Variants in ACADSB observed in about 807,000 individuals in gnomAD.
ACADSB encodes the protein acyl-CoA dehydrogenase short/branched chain.
ACADSB carries 40 observed loss-of-function variants against 54.1 expected under a neutral mutation model. The ratio of observed to expected loss-of-function variants is 0.74; its 90% confidence interval spans 0.57 to 0.96. The LOEUF (loss-of-function observed/expected upper bound fraction) is 0.96. Ranked by LOEUF, ACADSB falls within the 40% of genes least tolerant of loss-of-function variation. The pLI is 0.00. For missense variants in ACADSB, 530 were observed against 510.4 expected (o/e 1.04, Z -0.37); for synonymous variants, 182 against 182.8 (o/e 1.00, Z 0.03).
intron 1 of ACADSB, among the ~76,000 whole-genome samples, chr10:123,032,044 A>T (rs1453832992): frequency 6.6e-6 from 1 of 150,732 alleles, no homozygotes; most frequent in African/African-American, 2.5e-5. Context: ...CAGTGGTGTG[A>T]TCTTGGCTCA....
At chr10:123,045,164 TATATATA>T (rs1390692997) in intron 7 of ACADSB, among the ~76,000 whole-genome samples, 92 of 13,960 alleles carry the variant, frequency 6.6e-3, no homozygotes, top group South Asian at 0.017. Flanking sequence ...TATATATATA[TATATATA>T]TTTTTTTTTT....
chr10:123,030,572 C>G (rs1213200362), intron 1 of ACADSB, among the ~76,000 whole-genome samples: 1 of 151,854 alleles, frequency 6.6e-6, no homozygotes, highest in Non-Finnish European at 1.5e-5. Flanking sequence ...CTTCTTTCTC[C>G]CCACAACCTT....
chr10:123,043,292 T>C lies in ACADSB; in HGVS notation c.807+121T>C. 5 of 1,289,670 alleles carry C rather than the reference T, an allele frequency of 3.9e-6. No individual in the cohort carries two copies. The South Asian group carries it at 6.0e-5, about 16-fold the overall frequency. The allele number at this position is 1,289,670 out of a possible 1,614,324, so 79.9% of individuals were successfully genotyped here. A position where few individuals can be genotyped will look rare whatever the true frequency, so the allele number is the denominator to read the frequency against. The stretch of plus-strand genomic sequence containing the variant: ...GGCTATAAGCACACGCAGGAGAGTA[T>C]TTTGTAAAACCCTGAACAGCGCTCT... On this transcript the variant is annotated intron_variant, in intron 6 of 10. Transcript: ENST00000358776.
chr10:123,031,687 T>A (rs1210942544), intron 1 of ACADSB, among the ~76,000 whole-genome samples: 1 of 152,228 alleles, frequency 6.6e-6, no homozygotes, highest in Admixed American at 6.5e-5. Context: ...TATCTCTCAA[T>A]GCTTTGGTTA....
chr10:123,047,487 A>T (rs1254323747), intron 8 of ACADSB, among the ~76,000 whole-genome samples, 189 bp downstream of exon 8: 1 of 151,718 alleles, frequency 6.6e-6, no homozygotes, highest in African/African-American at 2.4e-5. Context: ...GCAGAGCAGT[A>T]GTCCTTGAGG....
At chr10:123,025,463 C>T (rs925823752) in intron 1 of ACADSB, among the ~76,000 whole-genome samples, 1 of 127,258 alleles carries the variant, frequency 7.9e-6, no homozygotes, top group Non-Finnish European at 1.8e-5. Context: ...GACCCTGTCA[C>T]GAAAAATAAA....
chr10:123,014,345 T>C (rs1850084540), intron 1 of ACADSB, among the ~76,000 whole-genome samples: 1 of 152,172 alleles, frequency 6.6e-6, no homozygotes, highest in Admixed American at 6.5e-5. Flanking sequence ...ATTAAGTTAG[T>C]TTTTTAGAGA....
intron 1 of ACADSB, among the ~76,000 whole-genome samples, chr10:123,017,616 T>G (rs1850124636): frequency 6.6e-6 from 1 of 152,146 alleles, no homozygotes; most frequent in Non-Finnish European, 1.5e-5. Flanking sequence ...CCTCACCGGG[T>G]GGACACAGTT....
intron 1 of ACADSB, among the ~76,000 whole-genome samples, chr10:123,011,628 G>C (rs1850034880): frequency 6.6e-6 from 1 of 151,504 alleles, no homozygotes; most frequent in Non-Finnish European, 1.5e-5. Context: ...CCGGATTCGA[G>C]CGATTCTCCT....
Position 123,044,455 on chromosome 10 carries a change from C to A in ACADSB, c.870C>A (p.Leu290=). ...GCTATAAGTATGCCATAGGGAGTCT[C>A]AATGAAGGTAGAATAGGAATTGCTG... The part of the protein sequence containing the change: ...GHGYKYAIGS[L]NEGRIGIAAQ... Residue 290 remains leucine (L), a synonymous_variant, in exon 7 of 11, where the codon CTC becomes CTA. Transcript: ENST00000358776. 1 of 1,613,686 alleles carries A rather than the reference C, an allele frequency of 6.2e-7. No homozygotes were observed. Among genetic ancestry groups the A allele is most frequent in the South Asian group, 1.1e-5 (1 of 91,062 alleles).
chr10:123,030,671 T>C (rs1418581549), intron 1 of ACADSB, among the ~76,000 whole-genome samples: 8 of 152,230 alleles, frequency 5.3e-5, no homozygotes, highest in Admixed American at 1.3e-4. Context: ...TTTCATATAT[T>C]GTGAAAGCTT....
intron 1 of ACADSB, among the ~76,000 whole-genome samples, chr10:123,015,995 TG>T (rs1850105276): frequency 6.6e-6 from 1 of 152,186 alleles, no homozygotes; most frequent in Non-Finnish European, 1.5e-5. Context: ...AGGAATTAGA[TG>T]GACTACACAT....
chr10:123,032,088 T>A (rs1319982523), intron 1 of ACADSB, among the ~76,000 whole-genome samples: 1 of 152,006 alleles, frequency 6.6e-6, no homozygotes, highest in African/African-American at 2.4e-5. Context: ...CAAGCAATTC[T>A]CCTGCCTCAG....
At chr10:123,013,883 C>G (rs1317569093) in intron 1 of ACADSB, among the ~76,000 whole-genome samples, 1 of 152,236 alleles carries the variant, frequency 6.6e-6, no homozygotes, top group East Asian at 1.9e-4. Context: ...CCATGCCTCT[C>G]CCTCCACACC....
chr10:123,018,085 C>T (rs185987039), intron 1 of ACADSB, among the ~76,000 whole-genome samples: 152 of 152,248 alleles, frequency 1.0e-3, no homozygotes, highest in African/African-American at 3.4e-3. Flanking sequence ...CTGAAACAGT[C>T]TCTCAGGTGA....
intron 5 of ACADSB, among the ~76,000 whole-genome samples, chr10:123,042,457 CTTTTTTTTT>C (rs60480402): frequency 8.6e-6 from 1 of 115,794 alleles, no homozygotes; most frequent in South Asian, 2.7e-4. Context: ...ATTGTTAAAA[CTTTTTTTTT>C]TTTTTTTTTT....
chr10:123,025,280 G>A (rs1328937084), intron 1 of ACADSB, among the ~76,000 whole-genome samples: 1 of 151,756 alleles, frequency 6.6e-6, no homozygotes, highest in Non-Finnish European at 1.5e-5. Context: ...AACATAGCGA[G>A]ACCTCGTCTC....
chr10:123,014,159 C>G (rs1448352814), intron 1 of ACADSB, among the ~76,000 whole-genome samples: 1 of 152,142 alleles, frequency 6.6e-6, no homozygotes, highest in Non-Finnish European at 1.5e-5. Context: ...CTCTCTTTCT[C>G]TCCCCTCATT....
chr10:123,037,619 C>A, intron 2 of ACADSB, 128 bp from the exon 3 acceptor site: 1 of 606,046 alleles, frequency 1.7e-6, no homozygotes, highest in South Asian at 2.4e-5. Context: ...TTTATAAATT[C>A]TATTTTAAAA....
Sources: gnomAD v4.1 joint callset for allele counts (sites outside exome capture counted in the v4.1 genomes callset) on GRCh38, gnomAD v4.1.1 for gene constraint, MANE v1.5 for transcripts, NCBI Gene and HGNC (gene_info 2026-07-23, HGNC 2026-07-21) for gene names.